Variants in GRIK1 observed in about 807,000 individuals in gnomAD.
GRIK1 encodes the protein glutamate receptor ionotropic, kainate 1.
A neutral mutation model predicts 105.7 loss-of-function variants in GRIK1; 69 were observed. The observed-to-expected ratio is 0.65, with a 90% CI of 0.54 to 0.80. GRIK1 has a LOEUF of 0.80. GRIK1 is among the 30% of genes least tolerant of loss of function. GRIK1 has a pLI of 0.00. For synonymous variants in GRIK1, 438 were observed against 431.3 expected, an observed-to-expected ratio of 1.02 and a Z score of -0.19; for missense variants, 1,109 against 1,167.3, an observed-to-expected ratio of 0.95 and a Z score of 0.73.
At chr21:29,738,223 A>T (rs947026165) in intron 1 of GRIK1, among the ~76,000 whole-genome samples, 5 of 152,226 alleles carry the variant, frequency 3.3e-5, no homozygotes, top group African/African-American at 1.2e-4. Flanking sequence ...TGTGCTCCTA[A>T]TTCTCCCACT....
At chr21:29,865,201 A>G (rs1959167694) in intron 1 of GRIK1, among the ~76,000 whole-genome samples, 1 of 152,206 alleles carries the variant, frequency 6.6e-6, no homozygotes, top group Admixed American at 6.5e-5. Flanking sequence ...ATAATGTTAT[A>G]GTAGCACCAT....
rs545618189 is a variant in GRIK1 at position 29,567,257 on chromosome 21, T to A, written c.2131-5408A>T. 6.6e-5 allele frequency among the ~76,000 whole-genome samples: 10 copies of A among 152,322 alleles called. No homozygotes were observed. In the South Asian group the frequency reaches 2.1e-3, roughly 32 times the overall value. On this transcript the variant is annotated intron_variant, in intron 14 of 17. Coordinates refer to ENST00000327783, the MANE Select transcript of GRIK1 (RefSeq NM_001330994.2). The stretch of plus-strand genomic sequence containing the variant: ...CAATGTAAATAAAATATGTGCAAAT[T>A]CTAGGGTGTAGTGTGGTCTTAAGCC...
At chr21:29,846,465 GAAAGAAAGAAAGAA>G (rs1569154629) in intron 1 of GRIK1, among the ~76,000 whole-genome samples, 8 of 40,146 alleles carry the variant, frequency 2.0e-4, no homozygotes, top group East Asian at 1.2e-3. Flanking sequence ...AAGAGAGAGA[GAAAGAAAGAAAGAA>G]AGAAAGAAAG....
Position 29,648,889 on chromosome 21 carries a change from G to T in GRIK1, c.954+2229C>A, listed in dbSNP as rs73352512. ...GCTTGATGTGCAAGAATGAATGAAG[G>T]GCAGGGTCTGCGATGTGGACCCAAT... is the stretch of plus-strand genomic sequence containing the variant. On this transcript the variant is annotated intron_variant, in intron 6 of 17. Transcript: ENST00000327783. 6.6e-3 allele frequency among the ~76,000 whole-genome samples: 1,006 copies of T among 152,220 alleles called. 11 individuals are homozygous for T. The highest frequency in any genetic ancestry group is 0.023 in the African/African-American group (938 of 41,528).
At chr21:29,825,572 A>AGGGTTTTAACCCTTTTT (rs915582627) in intron 1 of GRIK1, among the ~76,000 whole-genome samples, 1 of 152,062 alleles carries the variant, frequency 6.6e-6, no homozygotes, top group African/African-American at 2.4e-5. Context: ...TTCTGGTTAA[A>AGGGTTTTAACCCTTTTT]AAGGGTAATG....
At chr21:29,835,132 G>T (rs1216706506) in intron 1 of GRIK1, among the ~76,000 whole-genome samples, 1 of 152,018 alleles carries the variant, frequency 6.6e-6, no homozygotes, top group Non-Finnish European at 1.5e-5. Context: ...TTTCTTTCTT[G>T]ATTTGATTCA....
chr21:29,664,520 A>G (rs985781701), intron 4 of GRIK1, among the ~76,000 whole-genome samples: 2 of 152,180 alleles, frequency 1.3e-5, no homozygotes, highest in Admixed American at 1.3e-4. Flanking sequence ...AACCTTCACT[A>G]AATAATGATC....
chr21:29,860,012 G>T (rs904930885), intron 1 of GRIK1, among the ~76,000 whole-genome samples: 3 of 152,122 alleles, frequency 2.0e-5, no homozygotes, highest in Non-Finnish European at 2.9e-5. Flanking sequence ...ATTATATATT[G>T]CTCTTCATTT....
chr21:29,723,525 T>C (rs968403051), intron 1 of GRIK1, among the ~76,000 whole-genome samples: 1 of 152,198 alleles, frequency 6.6e-6, no homozygotes, highest in African/African-American at 2.4e-5. Flanking sequence ...TTGAAACAAA[T>C]AGATAAACAG....
chr21:29,768,393 G>T (rs2065728100), intron 1 of GRIK1, among the ~76,000 whole-genome samples: 1 of 152,132 alleles, frequency 6.6e-6, no homozygotes, highest in Non-Finnish European at 1.5e-5. Context: ...AGAAATACAG[G>T]ACAGGAGAGT....
At chr21:29,655,243 T>C (rs375922234) in intron 4 of GRIK1, among the ~76,000 whole-genome samples, 1 of 152,172 alleles carries the variant, frequency 6.6e-6, no homozygotes, top group African/African-American at 2.4e-5. Context: ...ATCCTGTCTC[T>C]ACTAAAAATA....
At position 29,573,431 on chromosome 21, in the gene GRIK1, A is replaced by G. The variant is rs558136291; in HGVS notation, c.2130+3533T>C. Among the ~76,000 whole-genome samples, 5 of 152,328 alleles carry G rather than the reference A, an allele frequency of 3.3e-5. No individual in the cohort carries two copies. The South Asian group carries it at 8.3e-4, about 25-fold the overall frequency. On this transcript the variant is annotated intron_variant, in intron 14 of 17. Transcript: ENST00000327783. Reference sequence around the variant, plus strand: ...TTTTATACTTAAAGAGGGGCATGAGAAAGAAAAGATCAAAGTGAGCTTAAG... The same window carrying G: ...TTTTATACTTAAAGAGGGGCATGAGGAAGAAAAGATCAAAGTGAGCTTAAG...
intron 1 of GRIK1, among the ~76,000 whole-genome samples, chr21:29,869,210 C>A (rs959821587): frequency 5.3e-5 from 8 of 152,184 alleles, no homozygotes; most frequent in African/African-American, 1.2e-4. Context: ...AATATTTTTA[C>A]TGGTCTTTAT....
Position 29,753,967 on chromosome 21 carries a change from C to G in GRIK1, c.119-59904G>C, listed in dbSNP as rs975606835. On this transcript the variant is annotated intron_variant, in intron 1 of 17. Coordinates refer to ENST00000327783, the MANE Select transcript of GRIK1 (RefSeq NM_001330994.2). ...ATGATCCAGTAAGAGGTATTGGGATCCTTTTTCTTAAGGAGAAAAATCCTT... is the reference window on the plus strand; with the variant it reads ...ATGATCCAGTAAGAGGTATTGGGATGCTTTTTCTTAAGGAGAAAAATCCTT... Among the ~76,000 whole-genome samples the G allele has an allele frequency of 3.9e-5, 6 of 152,230 alleles. No homozygotes were observed. The East Asian group carries it at 9.7e-4, about 24-fold the overall frequency.
chr21:29,696,705 C>T (rs2063708240), intron 1 of GRIK1, among the ~76,000 whole-genome samples: 1 of 152,214 alleles, frequency 6.6e-6, no homozygotes, highest in African/African-American at 2.4e-5. Flanking sequence ...CTGTGTCTTA[C>T]TCAGAATCAG....
At chr21:29,710,206 C>T (rs1485422852) in intron 1 of GRIK1, among the ~76,000 whole-genome samples, 3 of 151,894 alleles carry the variant, frequency 2.0e-5, no homozygotes, top group Admixed American at 1.3e-4. Flanking sequence ...CTCATCCTGG[C>T]AATTCTGGGA....
intron 1 of GRIK1, among the ~76,000 whole-genome samples, chr21:29,744,769 G>T (rs1357105594): frequency 1.3e-5 from 2 of 152,146 alleles, no homozygotes; most frequent in Non-Finnish European, 2.9e-5. Context: ...GTGGTGTGTT[G>T]TAATTACCTA....
chr21:29,852,664 C>T (rs1290759421), intron 1 of GRIK1, among the ~76,000 whole-genome samples: 2 of 152,212 alleles, frequency 1.3e-5, no homozygotes, highest in Non-Finnish European at 2.9e-5. Context: ...GGAAACTTTA[C>T]ATTTATCAAA....
At chr21:29,701,618 G>T (rs2063814153) in intron 1 of GRIK1, among the ~76,000 whole-genome samples, 1 of 152,138 alleles carries the variant, frequency 6.6e-6, no homozygotes, top group African/African-American at 2.4e-5. Flanking sequence ...GGAGTGAAAT[G>T]ATATGACATA....
Sources: gnomAD v4.1 joint callset for allele counts (sites outside exome capture counted in the v4.1 genomes callset) on GRCh38, gnomAD v4.1.1 for gene constraint, MANE v1.5 for transcripts, NCBI Gene and HGNC (gene_info 2026-07-23, HGNC 2026-07-21) for gene names.